Variants in PPP4C observed in about 807,000 individuals in gnomAD.
PPP4C encodes protein phosphatase 4 catalytic subunit.
PPP4C carries 10 observed loss-of-function variants against 40.5 expected under a neutral mutation model. That is an observed-to-expected ratio of 0.25 (90% CI 0.15 to 0.42). The LOEUF (loss-of-function observed/expected upper bound fraction) is 0.42. Among genes scored for constraint, PPP4C ranks in the 10% least tolerant of loss-of-function variants. The pLI is 1.00. For synonymous variants in PPP4C, 187 were observed against 163.6 expected, an observed-to-expected ratio of 1.14 and a Z score of -1.09; for missense variants, 191 against 416.4, an observed-to-expected ratio of 0.46 and a Z score of 4.71.
intron 2 of PPP4C, among the ~76,000 whole-genome samples, chr16:30,080,609 C>T (rs1227244066): frequency 1.3e-5 from 2 of 150,598 alleles, no homozygotes; most frequent in African/African-American, 4.9e-5. Flanking sequence ...CAGGTTCAAG[C>T]GATTCTCCTG....
At chr16:30,077,730 TC>T (rs748974096) in intron 2 of PPP4C, among the ~76,000 whole-genome samples, 2 of 152,160 alleles carry the variant, frequency 1.3e-5, no homozygotes, top group East Asian at 3.8e-4. Flanking sequence ...ATCCATCTCT[TC>T]CCCCCAGCAA....
chr16:30,083,379 G>C lies in PPP4C; in HGVS notation c.304-15G>C. On this transcript the variant is annotated splice_polypyrimidine_tract_variant and intron_variant, in intron 5 of 8. Transcript: ENST00000279387. This position sits in a 1 kb window ranked among gnomAD's most constrained non-coding sequence, Gnocchi z 6.3. ...ACCGTCTAGGCGCCAGCCCTGGCTT[G>C]GTGGCCACCCCCAGGTTCGCTATCC... The C allele has an allele frequency of 6.2e-7, 1 of 1,603,090 alleles. No individual in the cohort carries two copies. Among genetic ancestry groups the C allele is most frequent in the Non-Finnish European group, 8.5e-7 (1 of 1,173,434 alleles).
rs1470746240 is a variant in PPP4C, at chr16:30,084,239, C to G, written c.605-427C>G. 4.8e-5 allele frequency among the ~76,000 whole-genome samples: 7 copies of G among 144,532 alleles called. No individual in the cohort carries two copies. The Admixed American group carries it at 4.9e-4, about 10-fold the overall frequency. The allele number at this position is 144,532 out of a possible 152,430, so 94.8% of individuals were successfully genotyped here. A position where few individuals can be genotyped will look rare whatever the true frequency, so the allele number is the denominator to read the frequency against. On this transcript the variant is annotated intron_variant, in intron 7 of 8. Transcript: ENST00000279387. Reference sequence around the variant, plus strand: ...CACATAGCCTCTGCTCCATCACAGCCACACACACGCACACGAGGCCTCTGC... The same window carrying G: ...CACATAGCCTCTGCTCCATCACAGCGACACACACGCACACGAGGCCTCTGC...
Position 30,083,149 on chromosome 16 carries a change from CTG to C in PPP4C, c.304-241_304-240del. On this transcript the variant is annotated intron_variant, in intron 5 of 8. Transcript: ENST00000279387. This position sits in a 1 kb window ranked among gnomAD's most constrained non-coding sequence, Gnocchi z 6.3. ...CTGGGTGCCTTGCTAGGGACCCGGT[CTG>C]TGTCTGGTAGGTGAAAGAAGAGCCA... 1 of 598,964 alleles carries C rather than the reference CTG, an allele frequency of 1.7e-6. No individual in the cohort carries two copies. The highest frequency in any genetic ancestry group is 2.9e-6 in the Non-Finnish European group (1 of 339,716). 37.1% of individuals were successfully genotyped at this position (598,964 alleles called of 1,614,324 possible).
intron 7 of PPP4C, among the ~76,000 whole-genome samples, chr16:30,084,057 G>T (rs1038023592): frequency 6.6e-6 from 1 of 152,222 alleles, no homozygotes; most frequent in Non-Finnish European, 1.5e-5. Context: ...CCCCAGAATG[G>T]TAGCCCCCTG....
At chr16:30,077,367 A>G (rs898916627) in intron 2 of PPP4C, among the ~76,000 whole-genome samples, 20 of 152,130 alleles carry the variant, frequency 1.3e-4, no homozygotes, top group Non-Finnish European at 2.5e-4. Flanking sequence ...CAGGTATTCT[A>G]TTTCTTTTGG....
In PPP4C at chr16:30,079,160, G is replaced by T. The variant is rs138010404; in HGVS notation, c.99-2099G>T. Reference sequence around the variant, plus strand: ...CCAGCTTGGTGACCTTGACCCTCCCGCTTTTCTGTAAGCTTTGGTTTCTTT... The same window carrying T: ...CCAGCTTGGTGACCTTGACCCTCCCTCTTTTCTGTAAGCTTTGGTTTCTTT... On this transcript the variant is annotated intron_variant, in intron 2 of 8. Coordinates refer to ENST00000279387, the MANE Select transcript of PPP4C (RefSeq NM_002720.3). Among the ~76,000 whole-genome samples, 108 of 151,826 alleles carry T rather than the reference G, an allele frequency of 7.1e-4. No homozygotes were observed. The East Asian group carries it at 0.021, about 29-fold the overall frequency.
At chr16:30,082,023 CCAGGCTAGGCGA>C (rs990795104) in intron 3 of PPP4C, among the ~76,000 whole-genome samples, 10 of 151,618 alleles carry the variant, frequency 6.6e-5, no homozygotes, top group Non-Finnish European at 1.0e-4. Flanking sequence ...CCACCGCACT[CCAGGCTAGGCGA>C]CAGAGTGAGA....
At chr16:30,082,931 C>T (rs780976734) in intron 5 of PPP4C, 84 bp downstream of exon 5, 41 of 1,172,480 alleles carry the variant, frequency 3.5e-5, no homozygotes, top group South Asian at 1.6e-4. Flanking sequence ...CATCTCCTAT[C>T]GTGACCAGCC....
chr16:30,084,003 G>A (rs950492455), intron 7 of PPP4C, among the ~76,000 whole-genome samples: 8 of 152,242 alleles, frequency 5.3e-5, no homozygotes, highest in Admixed American at 2.0e-4. Context: ...TCCCTGAAGT[G>A]AAGGGGCCTT....
intron 2 of PPP4C, among the ~76,000 whole-genome samples, chr16:30,079,912 A>G (rs1030376448): frequency 2.6e-5 from 4 of 152,090 alleles, no homozygotes; most frequent in Admixed American, 1.3e-4. Context: ...CCCTGCTTCA[A>G]TTTCTTCATC....
chr16:30,083,744 T>C lies in PPP4C; in HGVS notation c.567T>C (p.Asp189=). The change falls in exon 7 of 9, where the codon GAT becomes GAC. Residue 189 remains aspartate (D), a synonymous_variant. Coordinates refer to ENST00000279387, the MANE Select transcript of PPP4C (RefSeq NM_002720.3). The surrounding 1 kb of genome is among the most constrained non-coding windows in gnomAD (Gnocchi z 6.3). The part of the protein sequence containing the change: ...TIDRKQEVPH[D]GPMCDLLWSD... ...ACCGAAAGCAAGAGGTGCCTCATGA[T>C]GGGCCCATGTGTGACCTCCTCTGGT... 1 of 1,614,170 alleles carries C rather than the reference T, an allele frequency of 6.2e-7. No homozygotes were observed. The highest frequency in any genetic ancestry group is 8.5e-7 in the Non-Finnish European group (1 of 1,180,026).
In PPP4C at chr16:30,081,737, C is replaced by T. The variant is rs550461869; in HGVS notation, c.150+427C>T. The T allele has an allele frequency of 2.2e-3, 339 of 151,682 alleles. 3 individuals carry two copies. Among genetic ancestry groups the T allele is most frequent in the Non-Finnish European group, 3.9e-3 (269 of 69,814 alleles). 9.4% of individuals were successfully genotyped at this position (151,682 alleles called of 1,614,324 possible). ...CAGCCTGGGTGACAGAGGGAGACTCCGTCTCAAAAAAAAACAAAAAAAAAC... is the reference window on the plus strand; with the variant it reads ...CAGCCTGGGTGACAGAGGGAGACTCTGTCTCAAAAAAAAACAAAAAAAAAC... On this transcript the variant is annotated intron_variant, in intron 3 of 8. Transcript: ENST00000279387.
rs1343836569 is a variant in PPP4C at position 30,076,295 on chromosome 16, C to A, written c.-63-20C>A. On this transcript the variant is annotated intron_variant, in intron 1 of 8. Coordinates refer to ENST00000279387, the MANE Select transcript of PPP4C (RefSeq NM_002720.3). Reference sequence around the variant, plus strand: ...CCCCGGACGGACACTGATCCGCGGGCTCGTCTTGGCCTTTCCCAGGAGACC... The same window carrying A: ...CCCCGGACGGACACTGATCCGCGGGATCGTCTTGGCCTTTCCCAGGAGACC... 1.9e-5 allele frequency: 27 copies of A among 1,399,726 alleles called. No homozygotes were observed. In the Admixed American group the frequency reaches 4.4e-4, roughly 23 times the overall value. The allele number at this position is 1,399,726 out of a possible 1,614,324, so 86.7% of individuals were successfully genotyped here.
At position 30,082,550 on chromosome 16, in the gene PPP4C, A is replaced by G; in HGVS notation, c.201+16A>G. 2 of 1,609,362 alleles carry G rather than the reference A, an allele frequency of 1.2e-6. No homozygotes were observed. Among genetic ancestry groups the G allele is most frequent in the South Asian group, 1.1e-5 (1 of 90,980 alleles). ...GCTGTTCAGAGTAAGAGTGTGGCCA[A>G]CACTGTGAAATGTAACGGGGGGATG... On this transcript the variant is annotated intron_variant, in intron 4 of 8. Coordinates refer to ENST00000279387, the MANE Select transcript of PPP4C (RefSeq NM_002720.3).
chr16:30,081,781 G>A (rs1219556113), intron 3 of PPP4C: 2 of 160,282 alleles, frequency 1.2e-5, no homozygotes, highest in Middle Eastern at 3.3e-3. Context: ...CAGGCCGGGC[G>A]CGGCGGCTCA....
At chr16:30,082,416 G>A in intron 3 of PPP4C, 68 bp from the exon 4 acceptor site, 1 of 1,471,590 alleles carries the variant, frequency 6.8e-7, no homozygotes, top group South Asian at 1.1e-5. Flanking sequence ...AAAGCAGCGG[G>A]TGTTTGGAGG....
Position 30,085,042 on chromosome 16 carries a change from G to A in PPP4C, c.904G>A (p.Val302Met). Reference protein sequence around the residue: ...ETRGIPSKKPVADYFL With the variant: ...ETRGIPSKKPMADYFL The stretch of plus-strand genomic sequence containing the variant: ...ACGGGGCATCCCCTCCAAGAAGCCC[G>A]TGGCCGACTACTTCCTGTGACCCCG... The change falls in exon 9 of 9, where the codon GTG becomes ATG. Residue 302 changes from valine (V) to methionine (M), a missense_variant. Val to Met is a conservative substitution (Grantham distance 21, BLOSUM62 1). This residue lies in a region of PPP4C where 20 missense variants were observed against 41.0 expected (regional missense o/e 0.49). Transcript: ENST00000279387. The A allele has an allele frequency of 1.9e-6, 3 of 1,614,012 alleles. No homozygotes were observed. Among genetic ancestry groups the A allele is most frequent in the South Asian group, 1.1e-5 (1 of 91,082 alleles).
intron 2 of PPP4C, among the ~76,000 whole-genome samples, chr16:30,078,711 C>T (rs1319286606): frequency 6.6e-6 from 1 of 152,214 alleles, no homozygotes; most frequent in East Asian, 1.9e-4. Flanking sequence ...ATTGCTGCTA[C>T]TAGAAATATT....
Sources: gnomAD v4.1 joint callset for allele counts (sites outside exome capture counted in the v4.1 genomes callset) on GRCh38, gnomAD v4.1.1 for gene constraint, gnomAD v4.1.1 regional missense constraint, Gnocchi (gnomAD v3.1) non-coding constraint, MANE v1.5 for transcripts, NCBI Gene and HGNC (gene_info 2026-07-23, HGNC 2026-07-21) for gene names.